Variants in DBN1 observed in about 807,000 individuals in gnomAD.
DBN1 encodes the protein drebrin 1.
A neutral mutation model predicts 83.5 loss-of-function variants in DBN1; 21 were observed. The ratio of observed to expected loss-of-function variants is 0.25; its 90% CI spans 0.18 to 0.36. DBN1 has a LOEUF of 0.36. Among genes scored for constraint, DBN1 ranks in the 10% least tolerant of loss-of-function variants. DBN1 has a pLI of 1.00. For synonymous variants in DBN1, 381 were observed against 384.9 expected (o/e 0.99, Z 0.12); for missense variants, 874 against 935.7 (o/e 0.93, Z 0.86).
intron 1 of DBN1, 58 bp downstream of exon 1, chr5:177,473,374 GAAAC>G (rs1466560860): frequency 2.9e-6 from 3 of 1,022,014 alleles, no homozygotes; most frequent in Non-Finnish European, 4.0e-6. Context: ...GGGCGGGAGA[GAAAC>G]AAAGGCGCGG....
In DBN1 at chr5:177,457,276, C is replaced by T; in HGVS notation, c.*157G>A. On this transcript the variant is annotated 3_prime_UTR_variant, in exon 15 of 15. Transcript: ENST00000393565. ...AAGAGAAAAGCTGTAAAAGTCAGGC[C>T]CTGTGGGTAGGGAAGCGGCCAAGTC... 1 of 681,326 alleles carries T rather than the reference C, an allele frequency of 1.5e-6. No individual in the cohort carries two copies. Among genetic ancestry groups the T allele is most frequent in the East Asian group, 2.5e-5 (1 of 39,542 alleles). The allele number at this position is 681,326 out of a possible 1,614,324, so 42.2% of individuals were successfully genotyped here.
chr5:177,470,363 G>A (rs903479875), intron 1 of DBN1, among the ~76,000 whole-genome samples: 2 of 152,146 alleles, frequency 1.3e-5, no homozygotes, highest in African/African-American at 4.8e-5. Context: ...CCTAGAGACT[G>A]CTGTAGACAT....
At chr5:177,464,711 G>C (rs1036921021) in intron 8 of DBN1, among the ~76,000 whole-genome samples, 1 of 152,090 alleles carries the variant, frequency 6.6e-6, no homozygotes, top group Non-Finnish European at 1.5e-5. Context: ...TGAGGCCGGC[G>C]GGTGGATCAC....
At chr5:177,470,189 C>A (rs563482329) in intron 1 of DBN1, among the ~76,000 whole-genome samples, 3 of 152,158 alleles carry the variant, frequency 2.0e-5, no homozygotes, top group Non-Finnish European at 2.9e-5. Context: ...CCAACTGTTA[C>A]CCCCAGCCCC....
rs1177079052 is a variant in DBN1, at chr5:177,467,692, A to G, written c.330+51T>C. 1.3e-6 allele frequency: 2 copies of G among 1,553,602 alleles called. No individual in the cohort carries two copies. Among genetic ancestry groups the G allele is most frequent in the Non-Finnish European group, 1.7e-6 (2 of 1,148,548 alleles). On this transcript the variant is annotated intron_variant, in intron 4 of 14. Transcript: ENST00000393565. The surrounding 1 kb of genome is among the most constrained non-coding windows in gnomAD (Gnocchi z 9.1). ...TCCCGCCATCCCCACCCCAGCACGC[A>G]GACCCTGGTGGCTGTCCCCACCCCC...
intron 1 of DBN1, among the ~76,000 whole-genome samples, chr5:177,471,027 C>T (rs542371281): frequency 1.3e-4 from 20 of 152,254 alleles, no homozygotes; most frequent in Admixed American, 5.2e-4. Context: ...TCCAGCACAC[C>T]GCATACCAGA....
At chr5:177,459,295 G>C (rs778722477) in intron 11 of DBN1, 27 bp from the exon 12 acceptor site, 1 of 1,598,496 alleles carries the variant, frequency 6.3e-7, no homozygotes, top group Admixed American at 1.7e-5. Context: ...AGGTGGGTCA[G>C]TGAGGGCGGG....
chr5:177,468,468 A>G, intron 2 of DBN1: 1 of 562,284 alleles, frequency 1.8e-6, no homozygotes, highest in Non-Finnish European at 3.2e-6. Context: ...TTTGTTCTTC[A>G]CACTCAGGTC....
At chr5:177,464,949 T>C (rs186862792) in intron 8 of DBN1, among the ~76,000 whole-genome samples, 2 of 152,074 alleles carry the variant, frequency 1.3e-5, no homozygotes, top group African/African-American at 4.8e-5. Context: ...GGTCAGGAGA[T>C]CGAGACCACC....
rs765673730 is a variant in DBN1 at position 177,467,494 on chromosome 5, T to A, written c.464A>T (p.Asn155Ile). The A allele has an allele frequency of 6.3e-7, 1 of 1,589,876 alleles. No individual in the cohort carries two copies. Among genetic ancestry groups the A allele is most frequent in the South Asian group, 1.1e-5 (1 of 89,330 alleles). ...ACACACACTAACCACGGGCTCTGCG[T>A]TCTCATCCTCTCGCAGCCGCAGTCG... The part of the protein sequence containing the change: ...LHRLRLREDE[N>I]AEPVGTTYQK... The change falls in exon 5 of 15, where the codon AAC (asparagine) becomes ATC (isoleucine). Residue 155 changes from asparagine (N) to isoleucine (I), a missense_variant. Transcript: ENST00000393565. The surrounding 1 kb of genome is among the most constrained non-coding windows in gnomAD (Gnocchi z 9.1).
At chr5:177,460,585 G>T in intron 9 of DBN1, 30 bp from the exon 10 acceptor site, 1 of 1,614,110 alleles carries the variant, frequency 6.2e-7, no homozygotes, top group Non-Finnish European at 8.5e-7. Context: ...GTTGGGGCTG[G>T]GCCAGGCAAG....
Position 177,457,109 on chromosome 5 carries a change from T to A in DBN1, c.*324A>T. On this transcript the variant is annotated 3_prime_UTR_variant, in exon 15 of 15. Transcript: ENST00000393565. ...GCCAGGCCCCAAGCAGGGTGAGGCC[T>A]CCAACCCGGCCAGCTGAGCAGGGAG... 1 of 372,014 alleles carries A rather than the reference T, an allele frequency of 2.7e-6. No homozygotes were observed. Among genetic ancestry groups the A allele is most frequent in the Non-Finnish European group, 5.0e-6 (1 of 201,994 alleles). 23.0% of individuals were successfully genotyped at this position (372,014 alleles called of 1,614,324 possible).
In DBN1 at chr5:177,473,501, G is replaced by A. The variant is rs1255788476; in HGVS notation, c.21C>T (p.Ser7=). Reference sequence around the variant, plus strand: ...CCGCCAGCAGCTCCAGGCGGTGGCCGCTGAAGCTGACGCCGGCCATGCTTC... The same window carrying A: ...CCGCCAGCAGCTCCAGGCGGTGGCCACTGAAGCTGACGCCGGCCATGCTTC... MAGVSF[S]GHRLELLAAY... The change falls in exon 1 of 15, where the codon AGC becomes AGT. Residue 7 remains serine, a synonymous_variant. Transcript: ENST00000393565. 2.1e-6 allele frequency: 3 copies of A among 1,431,050 alleles called. No homozygotes were observed. The highest frequency in any genetic ancestry group is 2.8e-6 in the Non-Finnish European group (3 of 1,084,514). 88.6% of individuals were successfully genotyped at this position (1,431,050 alleles called of 1,614,324 possible). A position where few individuals can be genotyped will look rare whatever the true frequency, so the allele number is the denominator to read the frequency against.
At chr5:177,462,649 G>A (rs892681443) in intron 8 of DBN1, among the ~76,000 whole-genome samples, 7 of 152,208 alleles carry the variant, frequency 4.6e-5, no homozygotes, top group African/African-American at 1.2e-4. Context: ...GGTGTCCCCT[G>A]CTGCTCAGGT....
In DBN1 at chr5:177,458,627, C is replaced by G. The variant is rs372184100; in HGVS notation, c.1345G>C (p.Glu449Gln). 6.2e-7 allele frequency: 1 copy of G among 1,607,818 alleles called. No individual in the cohort carries two copies. Among genetic ancestry groups the G allele is most frequent in the Non-Finnish European group, 8.5e-7 (1 of 1,176,726 alleles). Residue 449 changes from glutamate (E) to glutamine (Q), a missense_variant, in exon 13 of 15, where the codon GAG becomes CAG. This residue lies in a region of DBN1 where 725 missense variants were observed against 719.7 expected (regional missense o/e 1.01). Coordinates refer to ENST00000393565, the MANE Select transcript of DBN1 (RefSeq NM_001363541.2). ...GGAGGCGCCTGTGCCTGAGGGGGCTCCTCCATGGGGCCGGCCCAGGCCTGA... is the reference window on the plus strand; with the variant it reads ...GGAGGCGCCTGTGCCTGAGGGGGCTGCTCCATGGGGCCGGCCCAGGCCTGA... ...APQAWAGPME[E>Q]PPQAQAPPRG...
At chr5:177,472,810 G>T in intron 1 of DBN1, 2 of 986,332 alleles carry the variant, frequency 2.0e-6, no homozygotes, top group Non-Finnish European at 2.4e-6. Context: ...CGGTAAGGGA[G>T]TCACTTCGCG....
rs1021101393 is a variant in DBN1 at position 177,467,862 on chromosome 5, G to A, written c.256-45C>T. ...GAGGGGGTCAGGAAAGGACAAGGGG[G>A]GCCCTACACGATAGGGTGCATCTTC... On this transcript the variant is annotated intron_variant, in intron 3 of 14. Coordinates refer to ENST00000393565, the MANE Select transcript of DBN1 (RefSeq NM_001363541.2). The surrounding 1 kb of genome is among the most constrained non-coding windows in gnomAD (Gnocchi z 9.1). 1.9e-6 allele frequency: 3 copies of A among 1,580,914 alleles called. No homozygotes were observed. Among genetic ancestry groups the A allele is most frequent in the Non-Finnish European group, 2.6e-6 (3 of 1,160,870 alleles).
chr5:177,459,762 G>A (rs1227083521), intron 10 of DBN1, 22 bp from the exon 11 acceptor site: 4 of 1,465,726 alleles, frequency 2.7e-6, no homozygotes, highest in South Asian at 1.4e-5. Flanking sequence ...GACAGACAGA[G>A]AAAGAGACAG....
intron 8 of DBN1, chr5:177,462,480 A>C: frequency 1.2e-6 from 1 of 829,470 alleles, no homozygotes; most frequent in Non-Finnish European, 1.5e-6. Context: ...CCTGGCTTCC[A>C]CCACGATGAC....
Sources: gnomAD v4.1 joint callset for allele counts (sites outside exome capture counted in the v4.1 genomes callset) on GRCh38, gnomAD v4.1.1 for gene constraint, gnomAD v4.1.1 regional missense constraint, Gnocchi (gnomAD v3.1) non-coding constraint, MANE v1.5 for transcripts, NCBI Gene and HGNC (gene_info 2026-07-23, HGNC 2026-07-21) for gene names.